The following PLA2R1 variants were observed in gnomAD, a reference collection of about 807,000 sequenced individuals.
PLA2R1 encodes secretory phospholipase A2 receptor.
In PLA2R1, 158 loss-of-function variants were observed where a neutral mutation model predicts 195.9. The observed-to-expected ratio is 0.81, with a 90% CI of 0.71 to 0.92. The LOEUF (loss-of-function observed/expected upper bound fraction) is 0.92, where lower values mean the gene tolerates loss of function less well. PLA2R1 is among the 40% of genes least tolerant of loss of function. The pLI is 0.00. For synonymous variants in PLA2R1, 586 were observed against 598.2 expected (o/e 0.98, Z 0.30); for missense variants, 1,626 against 1,764.6 (o/e 0.92, Z 1.41).
At chr2:160,038,005 G>A (rs1469434798) in intron 3 of PLA2R1, among the ~76,000 whole-genome samples, 1 of 152,178 alleles carries the variant, frequency 6.6e-6, no homozygotes, top group Non-Finnish European at 1.5e-5. Context: ...GCACATAGTA[G>A]GTGTTCAATA....
chr2:159,973,550 T>C (rs932080510), intron 17 of PLA2R1, among the ~76,000 whole-genome samples: 9 of 152,072 alleles, frequency 5.9e-5, no homozygotes, highest in African/African-American at 2.2e-4. Flanking sequence ...TTCCACTATG[T>C]AAGGATACAT....
chr2:160,036,362 A>G (rs941806747), intron 3 of PLA2R1, among the ~76,000 whole-genome samples: 4 of 152,216 alleles, frequency 2.6e-5, no homozygotes, highest in Non-Finnish European at 5.9e-5. Context: ...CCAAGTTCTT[A>G]GGAGTGAGAA....
chr2:159,987,128 A>G (rs1690403186), intron 12 of PLA2R1, 28 bp downstream of exon 12: 1 of 1,529,028 alleles, frequency 6.5e-7, no homozygotes, highest in Non-Finnish European at 9.1e-7. Flanking sequence ...TGGTCCTGTT[A>G]AGAATGTCCA....
In PLA2R1 at chr2:159,967,658, A is replaced by T. The variant is rs2105227733; in HGVS notation, c.2785T>A (p.Cys929Ser). The T allele has an allele frequency of 1.9e-6, 3 of 1,613,586 alleles. No individual in the cohort carries two copies. The East Asian group carries it at 6.7e-5, about 36-fold the overall frequency. The change falls in exon 20 of 30, where the codon TGT (cysteine) becomes AGT (serine). Residue 929 changes from cysteine (C) to serine (S), a missense_variant. Coordinates refer to ENST00000283243, the MANE Select transcript of PLA2R1 (RefSeq NM_007366.5). ...SITGLWGSEE[C>S]SVSMPSICKR... ...CAGATACTAGGCATAGAAACTGAAC[A>T]CTCTTCACTACCCCAGAGTCCTGGA... is the stretch of plus-strand genomic sequence containing the variant.
rs1417416889 is a variant in PLA2R1, at chr2:160,013,325, T to G, written c.1602A>C (p.Arg534=). The G allele has an allele frequency of 1.2e-6, 2 of 1,611,766 alleles. No individual in the cohort carries two copies. The highest frequency in any genetic ancestry group is 3.3e-5 in the Admixed American group (2 of 59,972). The change falls in exon 10 of 30, where the codon CGA becomes CGC. Residue 534 remains arginine, a synonymous_variant. Coordinates refer to ENST00000283243, the MANE Select transcript of PLA2R1 (RefSeq NM_007366.5). ...GFCYKIDTVL[R]SFDQASSGYY... ...AACCGCTGGAAGCTTGGTCAAAGCT[T>G]CGAAGGACTGTGTCAATTTTGTAAC... is the stretch of plus-strand genomic sequence containing the variant.
intron 23 of PLA2R1, among the ~76,000 whole-genome samples, chr2:159,953,365 C>T (rs983411095): frequency 6.6e-6 from 1 of 152,202 alleles, no homozygotes; most frequent in African/African-American, 2.4e-5. Context: ...AATGTAAGCA[C>T]ATATGTATCT....
chr2:160,003,866 C>T (rs1347468581), intron 11 of PLA2R1, among the ~76,000 whole-genome samples: 2 of 152,112 alleles, frequency 1.3e-5, no homozygotes, highest in Non-Finnish European at 2.9e-5. Flanking sequence ...AATTATGAGT[C>T]CTACATACTA....
chr2:159,965,403 T>C (rs1488717467), intron 20 of PLA2R1, among the ~76,000 whole-genome samples: 1 of 152,168 alleles, frequency 6.6e-6, no homozygotes, highest in African/African-American at 2.4e-5. Flanking sequence ...TACAGTATTG[T>C]AGGCTTTTCA....
intron 8 of PLA2R1, 80 bp from the exon 9 acceptor site, chr2:160,016,792 T>C: frequency 1.7e-6 from 1 of 592,684 alleles, no homozygotes; most frequent in Non-Finnish European, 3.1e-6. Flanking sequence ...ATAAAAAAAA[T>C]ATGATGAATA....
Position 159,932,236 on chromosome 2 carries a change from G to GT in PLA2R1, c.*9541dup, listed in dbSNP as rs1214676089. 3 of 152,236 alleles carry GT rather than the reference G, an allele frequency of 2.0e-5. No individual in the cohort carries two copies. Among genetic ancestry groups the GT allele is most frequent in the African/African-American group, 7.2e-5 (3 of 41,450 alleles). 9.4% of individuals were successfully genotyped at this position (152,236 alleles called of 1,614,324 possible). On this transcript the variant is annotated 3_prime_UTR_variant, in exon 30 of 30. Coordinates refer to ENST00000283243, the MANE Select transcript of PLA2R1 (RefSeq NM_007366.5). ...GGCTGTGGTCAGGAGGGTCTGCTTC[G>GT]TTCACGCACTGTCTGTTTGGTAGTG...
intron 27 of PLA2R1, chr2:159,946,163 AG>A: frequency 5.1e-6 from 4 of 789,704 alleles, no homozygotes; most frequent in Non-Finnish European, 6.1e-6. Context: ...GCTAACTAAA[AG>A]TTGGTCTGCT....
At position 159,941,924 on chromosome 2, in the gene PLA2R1, G is replaced by A; in HGVS notation, c.4246C>T (p.Leu1416Phe). The A allele has an allele frequency of 6.2e-7, 1 of 1,613,916 alleles. No individual in the cohort carries two copies. Among genetic ancestry groups the A allele is most frequent in the East Asian group, 2.2e-5 (1 of 44,870 alleles). ...TLIVIVAICT[L>F]SFCIYKHNGG... The stretch of plus-strand genomic sequence containing the variant: ...TTATGCTTGTATATGCAGAAGGAAA[G>A]TGTGCAAATGGCCACAATGACTATC... Residue 1416 changes from leucine (L) to phenylalanine (F), a missense_variant, in exon 30 of 30, where the codon CTT becomes TTT. By Grantham distance (22) the Leu-to-Phe change is conservative. Coordinates refer to ENST00000283243, the MANE Select transcript of PLA2R1 (RefSeq NM_007366.5).
At chr2:160,040,555 C>T (rs1466200384) in intron 3 of PLA2R1, among the ~76,000 whole-genome samples, 1 of 152,192 alleles carries the variant, frequency 6.6e-6, no homozygotes, top group East Asian at 1.9e-4. Context: ...TTACATACTG[C>T]ACCCACTGCA....
At chr2:159,975,272 T>G (rs910396001) in intron 17 of PLA2R1, among the ~76,000 whole-genome samples, 1 of 152,240 alleles carries the variant, frequency 6.6e-6, no homozygotes, top group African/African-American at 2.4e-5. Context: ...AAACAGAGAC[T>G]GTATCTCATA....
At chr2:160,024,876 G>A (rs1050988753) in intron 6 of PLA2R1, among the ~76,000 whole-genome samples, 3 of 152,092 alleles carry the variant, frequency 2.0e-5, no homozygotes, top group African/African-American at 4.8e-5. Context: ...TGACCCCCAG[G>A]AAACAAACCA....
rs140862370 is a variant in PLA2R1, at chr2:160,044,881, G to C, written c.386C>G (p.Ser129Cys). 13 of 1,614,058 alleles carry C rather than the reference G, an allele frequency of 8.1e-6. No individual in the cohort carries two copies. The highest frequency in any genetic ancestry group is 5.5e-5 in the South Asian group (5 of 91,086). Residue 129 changes from serine to cysteine, a missense_variant, in exon 2 of 30, where the codon TCT becomes TGT. Coordinates refer to ENST00000283243, the MANE Select transcript of PLA2R1 (RefSeq NM_007366.5). ...TGTGTTGTCATGCGCCACCTGGACA[G>C]AGTACTGCAGCGGGCCTGTGATCAT... Reference protein sequence around the residue: ...RKMITGPLQYSVQVAHDNTVV... With the variant: ...RKMITGPLQYCVQVAHDNTVV...
chr2:159,976,864 T>C (rs1689596913), intron 15 of PLA2R1, 144 bp from the exon 16 acceptor site: 3 of 671,534 alleles, frequency 4.5e-6, no homozygotes, highest in South Asian at 1.8e-5. Context: ...GTTTGGAATA[T>C]ATGGTGAGTT....
At chr2:160,021,628 G>C (rs1212496091) in intron 7 of PLA2R1, among the ~76,000 whole-genome samples, 1 of 152,176 alleles carries the variant, frequency 6.6e-6, no homozygotes, top group Middle Eastern at 3.2e-3. Flanking sequence ...GATTCCAAAA[G>C]GTAGCAGAGG....
intron 8 of PLA2R1, 38 bp downstream of exon 8, chr2:160,020,068 A>T (rs765453884): frequency 6.5e-7 from 1 of 1,544,062 alleles, no homozygotes; most frequent in Admixed American, 1.7e-5. Flanking sequence ...TCAGTACAAG[A>T]CCAGCAAAGT....
Sources: gnomAD v4.1 joint callset for allele counts (sites outside exome capture counted in the v4.1 genomes callset) on GRCh38, gnomAD v4.1.1 for gene constraint, MANE v1.5 for transcripts, NCBI Gene and HGNC (gene_info 2026-07-23, HGNC 2026-07-21) for gene names.